STX11: variants seen among roughly 807,000 people sequenced by gnomAD.
STX11 encodes syntaxin 11.
In STX11, 21 loss-of-function variants were observed where a neutral mutation model predicts 19.9. That is an observed-to-expected ratio of 1.06 (90% CI 0.75 to 1.52). The LOEUF (loss-of-function observed/expected upper bound fraction) is 1.52, where lower values mean the gene tolerates loss of function less well. STX11 is among the 40% of genes most tolerant of loss of function. The pLI is 0.00. For missense variants in STX11, 438 were observed against 405.9 expected (o/e 1.08, Z -0.68); for synonymous variants, 193 against 174.4 (o/e 1.11, Z -0.84).
chr6:144,140,254 A>ATTT, the STX11 span, among the ~76,000 whole-genome samples: 19 of 38,894 alleles, frequency 4.9e-4, no homozygotes, highest in African/African-American at 2.5e-3. Flanking sequence ...ATATATATAT[A>ATTT]TTTATTTATT....
chr6:144,187,595 T>C lies in STX11; in HGVS notation c.*104T>C. 6.7e-7 allele frequency: 1 copy of C among 1,482,614 alleles called. No individual in the cohort carries two copies. 91.8% of individuals were successfully genotyped at this position (1,482,614 alleles called of 1,614,324 possible). A position where few individuals can be genotyped will look rare whatever the true frequency, so the allele number is the denominator to read the frequency against. On this transcript the variant is annotated 3_prime_UTR_variant, in exon 2 of 2. Transcript: ENST00000367568. This position sits in a 1 kb window ranked among gnomAD's most constrained non-coding sequence, Gnocchi z 5.6. ...CCCTGCAGGGAGTTGCCCCAACCCT[T>C]TCCGGAACTCAGTCTTTAGAAAAGA...
Position 144,167,224 on chromosome 6 carries a change from TG to T in STX11, c.-6+16522del, listed in dbSNP as rs1245805132. Among the ~76,000 whole-genome samples the T allele has an allele frequency of 6.6e-6, 1 of 152,254 alleles. No individual in the cohort carries two copies. The highest frequency in any genetic ancestry group is 2.4e-5 in the African/African-American group (1 of 41,476). ...GATGATGGAAAATTGTTACTTTTCA[TG>T]TTAAACAATTCTGTCTTATTTGATT... On this transcript the variant is annotated intron_variant, in intron 1 of 1. Coordinates refer to ENST00000367568, the MANE Select transcript of STX11 (RefSeq NM_003764.4). The surrounding 1 kb of genome is among the most constrained non-coding windows in gnomAD (Gnocchi z 5.0).
Position 144,187,584 on chromosome 6 carries a change from G to C in STX11, c.*93G>C. 1 of 1,536,492 alleles carries C rather than the reference G, an allele frequency of 6.5e-7. No individual in the cohort carries two copies. The highest frequency in any genetic ancestry group is 1.9e-5 in the Admixed American group (1 of 53,342). ...CGGGAGCTCTGCCCTGCAGGGAGTTGCCCCAACCCTTTCCGGAACTCAGTC... is the reference window on the plus strand; with the variant it reads ...CGGGAGCTCTGCCCTGCAGGGAGTTCCCCCAACCCTTTCCGGAACTCAGTC... On this transcript the variant is annotated 3_prime_UTR_variant, in exon 2 of 2. Transcript: ENST00000367568. This position sits in a 1 kb window ranked among gnomAD's most constrained non-coding sequence, Gnocchi z 5.6.
At position 144,155,005 on chromosome 6, in the gene STX11, T is replaced by A. The variant is rs1362953862; in HGVS notation, c.-6+4302T>A. On this transcript the variant is annotated intron_variant, in intron 1 of 1. Transcript: ENST00000367568. This position sits in a 1 kb window ranked among gnomAD's most constrained non-coding sequence, Gnocchi z 4.5. ...TGTTCTCATTGTTGATAATTCAACCTACCCTGACTTGGATTAATATCCTGA... is the reference window on the plus strand; with the variant it reads ...TGTTCTCATTGTTGATAATTCAACCAACCCTGACTTGGATTAATATCCTGA... Among the ~76,000 whole-genome samples, 2 of 152,052 alleles carry A rather than the reference T, an allele frequency of 1.3e-5. No individual in the cohort carries two copies. The highest frequency in any genetic ancestry group is 2.9e-5 in the Non-Finnish European group (2 of 67,942).
chr6:144,181,895 A>C (rs899885728), intron 1 of STX11, among the ~76,000 whole-genome samples: 2 of 152,324 alleles, frequency 1.3e-5, no homozygotes, highest in Admixed American at 1.3e-4. Context: ...TCTGGTTTTC[A>C]GTACAGATTA....
At position 144,186,764 on chromosome 6, in the gene STX11, G is replaced by A. The variant is rs767769324; in HGVS notation, c.137G>A (p.Arg46Gln). ...GACCACATCCTGGAGTCCCTGTACC[G>A]AGACATCCGGGACATTCAGGATGAA... ...ETDHILESLYRDIRDIQDENQ... is the reference protein window; with the variant it reads ...ETDHILESLYQDIRDIQDENQ... The change falls in exon 2 of 2, where the codon CGA becomes CAA. Residue 46 changes from arginine (R) to glutamine (Q), a missense_variant. Physicochemically the swap from Arg to Gln is conservative, Grantham distance 43. Transcript: ENST00000367568. 1 of 1,614,064 alleles carries A rather than the reference G, an allele frequency of 6.2e-7. No individual in the cohort carries two copies. The highest frequency in any genetic ancestry group is 1.1e-5 in the South Asian group (1 of 91,084).
Position 144,153,464 on chromosome 6 carries a change from A to G in STX11, c.-6+2761A>G, listed in dbSNP as rs1801056710. On this transcript the variant is annotated intron_variant, in intron 1 of 1. Transcript: ENST00000367568. The surrounding 1 kb of genome is among the most constrained non-coding windows in gnomAD (Gnocchi z 5.0). Reference sequence around the variant, plus strand: ...TGAAACAGCACTGGACGTTCAGGAAACTCCAGCCTGTTTAGTGACGGCACA... The same window carrying G: ...TGAAACAGCACTGGACGTTCAGGAAGCTCCAGCCTGTTTAGTGACGGCACA... 6.6e-6 allele frequency among the ~76,000 whole-genome samples: 1 copy of G among 152,002 alleles called. No homozygotes were observed. The highest frequency in any genetic ancestry group is 2.1e-4 in the South Asian group (1 of 4,816).
In STX11 at chr6:144,169,522, A is replaced by G. The variant is rs1028118483; in HGVS notation, c.-5-17101A>G. 5.3e-5 allele frequency among the ~76,000 whole-genome samples: 8 copies of G among 152,172 alleles called. No individual in the cohort carries two copies. The highest frequency in any genetic ancestry group is 1.9e-4 in the African/African-American group (8 of 41,438). ...CTAGCATGTTTATGGCCAGCATACC[A>G]TTAAATGGCATGTGTTCAGTGTAAG... On this transcript the variant is annotated intron_variant, in intron 1 of 1. Coordinates refer to ENST00000367568, the MANE Select transcript of STX11 (RefSeq NM_003764.4). This position sits in a 1 kb window ranked among gnomAD's most constrained non-coding sequence, Gnocchi z 5.2.
Position 144,187,461 on chromosome 6 carries a change from C to G in STX11, c.834C>G (p.Leu278=). 1 of 1,612,370 alleles carries G rather than the reference C, an allele frequency of 6.2e-7. No individual in the cohort carries two copies. Among genetic ancestry groups the G allele is most frequent in the Non-Finnish European group, 8.5e-7 (1 of 1,179,960 alleles). The change falls in exon 2 of 2, where the codon CTC becomes CTG. Residue 278 remains leucine, a synonymous_variant. Coordinates refer to ENST00000367568, the MANE Select transcript of STX11 (RefSeq NM_003764.4). The surrounding 1 kb of genome is among the most constrained non-coding windows in gnomAD (Gnocchi z 5.6). ...AGGAGAAGAACCCCTGCCGGACCCT[C>G]TGCTGCTTCTGCTGTCCCTGCCTCA... The part of the protein sequence containing the change: ...QYEEKNPCRT[L]CCFCCPCLK
Position 144,187,593 on chromosome 6 carries a change from C to A in STX11, c.*102C>A. ...TGCCCTGCAGGGAGTTGCCCCAACC[C>A]TTTCCGGAACTCAGTCTTTAGAAAA... is the stretch of plus-strand genomic sequence containing the variant. On this transcript the variant is annotated 3_prime_UTR_variant, in exon 2 of 2. Transcript: ENST00000367568. The surrounding 1 kb of genome is among the most constrained non-coding windows in gnomAD (Gnocchi z 5.6). 6.8e-7 allele frequency: 1 copy of A among 1,466,092 alleles called. No individual in the cohort carries two copies. Among genetic ancestry groups the A allele is most frequent in the Non-Finnish European group, 9.3e-7 (1 of 1,071,614 alleles). 90.8% of individuals were successfully genotyped at this position (1,466,092 alleles called of 1,614,324 possible). A position where few individuals can be genotyped will look rare whatever the true frequency, so the allele number is the denominator to read the frequency against.
upstream of STX11, among the ~76,000 whole-genome samples, chr6:144,150,242 G>A (rs1456461078): frequency 6.6e-6 from 1 of 152,260 alleles, no homozygotes; most frequent in Non-Finnish European, 1.5e-5. Flanking sequence ...CCTGCCCTGG[G>A]GACCAGAGGA....
rs1374847812 is a variant in STX11, at chr6:144,183,660, T to C, written c.-5-2963T>C. On this transcript the variant is annotated intron_variant, in intron 1 of 1. Coordinates refer to ENST00000367568, the MANE Select transcript of STX11 (RefSeq NM_003764.4). This position sits in a 1 kb window ranked among gnomAD's most constrained non-coding sequence, Gnocchi z 4.6. ...TAGAAAAAAAATTTAATGTACTTGC[T>C]TAGTTCAGCAGAAGCTGAGAGAGGT... Among the ~76,000 whole-genome samples, 1 of 152,220 alleles carries C rather than the reference T, an allele frequency of 6.6e-6. No homozygotes were observed. The highest frequency in any genetic ancestry group is 1.5e-5 in the Non-Finnish European group (1 of 68,042).
chr6:144,183,109 A>G lies in STX11; in HGVS notation c.-5-3514A>G, dbSNP rs902731445. On this transcript the variant is annotated intron_variant, in intron 1 of 1. Coordinates refer to ENST00000367568, the MANE Select transcript of STX11 (RefSeq NM_003764.4). The surrounding 1 kb of genome is among the most constrained non-coding windows in gnomAD (Gnocchi z 4.6). ...AAATTATGAAATGTGTGTGGACATTATAAAAATTTTGGAAAATACAGAAAA... is the reference window on the plus strand; with the variant it reads ...AAATTATGAAATGTGTGTGGACATTGTAAAAATTTTGGAAAATACAGAAAA... Among the ~76,000 whole-genome samples, 6 of 152,278 alleles carry G rather than the reference A, an allele frequency of 3.9e-5. No individual in the cohort carries two copies. The highest frequency in any genetic ancestry group is 1.4e-4 in the African/African-American group (6 of 41,474).
At chr6:144,143,376 T>A in the STX11 span, among the ~76,000 whole-genome samples, 1,163 of 152,258 alleles carry the variant, frequency 7.6e-3, 4 homozygotes, top group Non-Finnish European at 0.013. Context: ...ATGGATAGCA[T>A]ATTCAAATTA....
intron 1 of STX11, among the ~76,000 whole-genome samples, chr6:144,186,399 G>A (rs550923078): frequency 6.6e-6 from 1 of 152,116 alleles, no homozygotes; most frequent in East Asian, 1.9e-4. Flanking sequence ...TTGAACTGCA[G>A]GTGCCTATAG....
rs1422519244 is a variant in STX11, at chr6:144,188,718, C to CT, written c.*1232dup. ...TTTCTCAATTATTGTTAAAATTTTT[C>CT]TTTTTCCTTTTTTTTTTTTTTTTTT... On this transcript the variant is annotated 3_prime_UTR_variant, in exon 2 of 2. Coordinates refer to ENST00000367568, the MANE Select transcript of STX11 (RefSeq NM_003764.4). Among the ~76,000 whole-genome samples, 1 of 135,500 alleles carries CT rather than the reference C, an allele frequency of 7.4e-6. No individual in the cohort carries two copies. The highest frequency in any genetic ancestry group is 2.9e-5 in the African/African-American group (1 of 34,866). The allele number at this position is 135,500 out of a possible 152,430, so 88.9% of individuals were successfully genotyped here.
chr6:144,148,665 T>C (rs941995343), upstream of STX11, among the ~76,000 whole-genome samples: 1 of 152,236 alleles, frequency 6.6e-6, no homozygotes, highest in Non-Finnish European at 1.5e-5. Context: ...GTCCTTTTTC[T>C]GTCCCAGGAT....
the STX11 span, among the ~76,000 whole-genome samples, chr6:144,145,372 T>C: frequency 6.6e-6 from 1 of 152,142 alleles, no homozygotes; most frequent in Admixed American, 6.5e-5. Flanking sequence ...AGGCAGAAAG[T>C]AAAATGGTGG....
In STX11 at chr6:144,182,120, A is replaced by G. The variant is rs1186790537; in HGVS notation, c.-5-4503A>G. Among the ~76,000 whole-genome samples, 3 of 152,204 alleles carry G rather than the reference A, an allele frequency of 2.0e-5. No individual in the cohort carries two copies. Among genetic ancestry groups the G allele is most frequent in the Non-Finnish European group, 4.4e-5 (3 of 68,046 alleles). On this transcript the variant is annotated intron_variant, in intron 1 of 1. Transcript: ENST00000367568. The surrounding 1 kb of genome is among the most constrained non-coding windows in gnomAD (Gnocchi z 4.8). ...GTCTGATTTTTCTTTCTCATTTACCATAGTTCTCTTTCTAGGAACTCATAG... is the reference window on the plus strand; with the variant it reads ...GTCTGATTTTTCTTTCTCATTTACCGTAGTTCTCTTTCTAGGAACTCATAG...
Sources: allele counts gnomAD v4.1 joint callset (sites outside exome capture counted in the v4.1 genomes callset), GRCh38; gene constraint gnomAD v4.1.1; non-coding constraint Gnocchi (gnomAD v3.1); transcripts MANE v1.5; gene names NCBI Gene and HGNC (gene_info 2026-07-23, HGNC 2026-07-21).